The following EPHB6 variants were observed in gnomAD, a reference collection of about 807,000 sequenced individuals.
EPHB6 encodes ephrin type-B receptor 6.
Under a neutral mutation model 107.0 loss-of-function variants are expected in EPHB6, and 51 were observed. The ratio of observed to expected loss-of-function variants is 0.48; its 90% CI spans 0.38 to 0.60. The LOEUF (loss-of-function observed/expected upper bound fraction) is 0.60, where lower values mean the gene tolerates loss of function less well. Among genes scored for constraint, EPHB6 ranks in the 20% least tolerant of loss-of-function variants. The probability of loss-of-function intolerance (pLI) is 0.00; values close to 1 mark genes in which losing one functional copy is unlikely to be tolerated. For synonymous variants in EPHB6, 553 were observed against 549.0 expected (o/e 1.01, Z -0.10); for missense variants, 1,141 against 1,355.5 (o/e 0.84, Z 2.48).
rs534071920 is a variant in EPHB6 at position 142,867,240 on chromosome 7, T to C, written c.1750+172T>C. 233 of 785,828 alleles carry C rather than the reference T, an allele frequency of 3.0e-4. No individual in the cohort carries two copies. The highest frequency in any genetic ancestry group is 8.0e-6 in the Non-Finnish European group (4 of 502,442). 48.7% of individuals were successfully genotyped at this position (785,828 alleles called of 1,614,324 possible). On this transcript the variant is annotated intron_variant, in intron 11 of 19. Coordinates refer to ENST00000652003, the MANE Select transcript of EPHB6 (RefSeq NM_004445.6). This position sits in a 1 kb window ranked among gnomAD's most constrained non-coding sequence, Gnocchi z 5.3. Reference sequence around the variant, plus strand: ...CTGACCTAGGGGCTACTCGGGGAGGTGGGGAATTGTAGGGGTATGTATGCA... The same window carrying C: ...CTGACCTAGGGGCTACTCGGGGAGGCGGGGAATTGTAGGGGTATGTATGCA...
rs759873362 is a variant in EPHB6, at chr7:142,865,627, A to G, written c.1102A>G (p.Thr368Ala). The G allele has an allele frequency of 1.2e-6, 2 of 1,613,200 alleles. No individual in the cohort carries two copies. The highest frequency in any genetic ancestry group is 1.7e-5 in the Admixed American group (1 of 60,000). Residue 368 changes from threonine to alanine, a missense_variant, in exon 8 of 20, where the codon ACT (threonine) becomes GCT (alanine). Physicochemically the swap from Thr to Ala is moderately conservative, Grantham distance 58 (BLOSUM62 0). This residue lies in a region of EPHB6 where 304 missense variants were observed against 295.7 expected (regional missense o/e 1.03). Coordinates refer to ENST00000652003, the MANE Select transcript of EPHB6 (RefSeq NM_004445.6). ...TTCCGACCCACCAGAGGCCCCCTGC[A>G]CTGGTGAGTTCCTCACCCAGCCCTG... ...ASSDPPEAPCTGPPSAPQELW... is the reference protein window; with the variant it reads ...ASSDPPEAPCAGPPSAPQELW...
chr7:142,870,445 AG>A, intron 18 of EPHB6, 38 bp downstream of exon 18: 2 of 1,613,824 alleles, frequency 1.2e-6, no homozygotes, highest in Non-Finnish European at 1.7e-6. Context: ...AAAGCCAGGG[AG>A]GGTAGATGCA....
chr7:142,864,292 TC>T lies in EPHB6; in HGVS notation c.495del (p.Ser166ProfsTer30), dbSNP rs1803010756. 15 of 1,510,384 alleles carry T rather than the reference TC, an allele frequency of 9.9e-6. No homozygotes were observed. In the Admixed American group the frequency reaches 1.6e-4, roughly 16 times the overall value. The allele number at this position is 1,510,384 out of a possible 1,614,324, so 93.6% of individuals were successfully genotyped here. ...ACACAATTGCAGCAGACGAGAGCTT[TC>T]CCTCCTCCTCCTCCTCCTCCTCCTC... is the stretch of plus-strand genomic sequence containing the variant. ...VDTIAADESF[P>X]SSSSSSSSSS... On this transcript the variant is annotated frameshift_variant, in exon 7 of 20. Coordinates refer to ENST00000652003, the MANE Select transcript of EPHB6 (RefSeq NM_004445.6). LOFTEE classifies it high-confidence loss of function.
In EPHB6 at chr7:142,865,624, TG is replaced by T; in HGVS notation, c.1100del (p.Cys367SerfsTer75). The T allele has an allele frequency of 6.2e-7, 1 of 1,613,286 alleles. No homozygotes were observed. The highest frequency in any genetic ancestry group is 8.5e-7 in the Non-Finnish European group (1 of 1,179,952). Reference sequence around the variant, plus strand: ...CAGTTCCGACCCACCAGAGGCCCCCTGCACTGGTGAGTTCCTCACCCAGCCC... The same window carrying T: ...CAGTTCCGACCCACCAGAGGCCCCCTCACTGGTGAGTTCCTCACCCAGCCC... ...RASSDPPEAP[C>X]TGPPSAPQEL... On this transcript the variant is annotated frameshift_variant, in exon 8 of 20. Coordinates refer to ENST00000652003, the MANE Select transcript of EPHB6 (RefSeq NM_004445.6). LOFTEE classifies it high-confidence loss of function.
At chr7:142,860,883 T>A (rs967137623) in intron 1 of EPHB6, among the ~76,000 whole-genome samples, 169 bp from the exon 2 acceptor site, 5 of 152,178 alleles carry the variant, frequency 3.3e-5, no homozygotes, top group African/African-American at 1.2e-4. Flanking sequence ...GCAATTAAAG[T>A]TTCATAGTTT....
Position 142,868,722 on chromosome 7 carries a change from C to CT in EPHB6, c.2270dup (p.Asp758GlyfsTer49). ...GACGGAGTTCATGGAGCTTGGCCCC[C>CT]TGGACAGCTTCCTCAGGGTCAGTCC... On this transcript the variant is annotated frameshift_variant, in exon 15 of 20. Transcript: ENST00000652003. LOFTEE classifies it high-confidence loss of function. This position sits in a 1 kb window ranked among gnomAD's most constrained non-coding sequence, Gnocchi z 4.2. 6.2e-7 allele frequency: 1 copy of CT among 1,613,946 alleles called. No homozygotes were observed. The highest frequency in any genetic ancestry group is 8.5e-7 in the Non-Finnish European group (1 of 1,180,022).
At position 142,871,020 on chromosome 7, in the gene EPHB6, C is replaced by T. The variant is rs1794898838; in HGVS notation, c.*116C>T. 17 of 957,388 alleles carry T rather than the reference C, an allele frequency of 1.8e-5. No individual in the cohort carries two copies. Among genetic ancestry groups the T allele is most frequent in the South Asian group, 1.4e-4 (10 of 72,500 alleles). 59.3% of individuals were successfully genotyped at this position (957,388 alleles called of 1,614,324 possible). On this transcript the variant is annotated 3_prime_UTR_variant, in exon 20 of 20. Transcript: ENST00000652003. ...TGCCCCACACCAAACCCAACCCTCC[C>T]GATGGCTGCATTCCCTGGTCCTCCG...
rs2116490427 is a variant in EPHB6 at position 142,870,347 on chromosome 7, C to T, written c.2744C>T (p.Ala915Val). ...CCTCATTTTGACCAGCTGGTGGCTGCATTTGACAAGATGATCCGCAAGCCA... is the reference window on the plus strand; with the variant it reads ...CCTCATTTTGACCAGCTGGTGGCTGTATTTGACAAGATGATCCGCAAGCCA... ...RRPHFDQLVA[A>V]FDKMIRKPDT... The change falls in exon 18 of 20, where the codon GCA (alanine) becomes GTA (valine). Residue 915 changes from alanine (A) to valine (V), a missense_variant. By Grantham distance (64) the Ala-to-Val change is moderately conservative. This residue lies in a region of EPHB6 where 616 missense variants were observed against 759.3 expected (regional missense o/e 0.81). Coordinates refer to ENST00000652003, the MANE Select transcript of EPHB6 (RefSeq NM_004445.6). 2 of 1,614,202 alleles carry T rather than the reference C, an allele frequency of 1.2e-6. No homozygotes were observed. Among genetic ancestry groups the T allele is most frequent in the Non-Finnish European group, 1.7e-6 (2 of 1,180,038 alleles).
chr7:142,870,537 C>A lies in EPHB6; in HGVS notation c.2812C>A (p.Gln938Lys). 1.9e-6 allele frequency: 3 copies of A among 1,614,230 alleles called. No homozygotes were observed. The highest frequency in any genetic ancestry group is 1.1e-5 in the South Asian group (1 of 91,086). Reference sequence around the variant, plus strand: ...TTGCCCCTCCCCTCTTAGGCCTTCCCAGGCCCTTCTGACCCCTGTGGCCCT... The same window carrying A: ...TTGCCCCTCCCCTCTTAGGCCTTCCAAGGCCCTTCTGACCCCTGTGGCCCT... The part of the protein sequence containing the change: ...AGGDPGERPS[Q>K]ALLTPVALDF... The change falls in exon 19 of 20, where the codon CAG becomes AAG. Residue 938 changes from glutamine (Q) to lysine (K), a missense_variant. By Grantham distance (53) the Gln-to-Lys change is moderately conservative. Around this residue, in one of 3 missense-constraint regions of EPHB6, gnomAD observed 616 missense variants for 759.3 expected, o/e 0.81. Coordinates refer to ENST00000652003, the MANE Select transcript of EPHB6 (RefSeq NM_004445.6).
In EPHB6 at chr7:142,869,567, T is replaced by A. The variant is rs988866583; in HGVS notation, c.2461-250T>A. On this transcript the variant is annotated intron_variant, in intron 16 of 19. Transcript: ENST00000652003. This position sits in a 1 kb window ranked among gnomAD's most constrained non-coding sequence, Gnocchi z 4.5. ...TATCATCCACCTTGGAGGGTTGTTA[T>A]GAGGATTAAATGAGATGCTTGATGT... Among the ~76,000 whole-genome samples, 9 of 152,210 alleles carry A rather than the reference T, an allele frequency of 5.9e-5. No individual in the cohort carries two copies. The highest frequency in any genetic ancestry group is 2.2e-4 in the African/African-American group (9 of 41,450).
At position 142,869,091 on chromosome 7, in the gene EPHB6, G is replaced by T; in HGVS notation, c.2404G>T (p.Val802Leu). The change falls in exon 16 of 20, where the codon GTG becomes TTG. Residue 802 changes from valine to leucine, a missense_variant. Transcript: ENST00000652003. This position sits in a 1 kb window ranked among gnomAD's most constrained non-coding sequence, Gnocchi z 4.5. ...CCATCGCTCGCTGTCTGCCCACAGC[G>T]TGCTGGTGAATAGCCACTTGGTGTG... ...FVHRSLSAHSVLVNSHLVCKV... is the reference protein window; with the variant it reads ...FVHRSLSAHSLLVNSHLVCKV... The T allele has an allele frequency of 6.2e-7, 1 of 1,613,800 alleles. No individual in the cohort carries two copies. Among genetic ancestry groups the T allele is most frequent in the Non-Finnish European group, 8.5e-7 (1 of 1,179,996 alleles).
At position 142,866,803 on chromosome 7, in the gene EPHB6, G is replaced by A. The variant is rs1794623958; in HGVS notation, c.1588-103G>A. The stretch of plus-strand genomic sequence containing the variant: ...CCCAGAAGTGTGCAGCACTGGGCAT[G>A]TGTCTGAGAGCCCTGTCAACCAGGG... On this transcript the variant is annotated intron_variant, in intron 10 of 19. Coordinates refer to ENST00000652003, the MANE Select transcript of EPHB6 (RefSeq NM_004445.6). This position sits in a 1 kb window ranked among gnomAD's most constrained non-coding sequence, Gnocchi z 5.2. The A allele has an allele frequency of 6.3e-7, 1 of 1,597,396 alleles. No individual in the cohort carries two copies. Among genetic ancestry groups the A allele is most frequent in the Non-Finnish European group, 8.6e-7 (1 of 1,166,588 alleles).
In EPHB6 at chr7:142,867,719, A is replaced by G. The variant is rs778625170; in HGVS notation, c.1862A>G (p.Gln621Arg). 15 of 1,609,888 alleles carry G rather than the reference A, an allele frequency of 9.3e-6. No individual in the cohort carries two copies. Among genetic ancestry groups the G allele is most frequent in the Non-Finnish European group, 1.3e-5 (15 of 1,178,916 alleles). The change falls in exon 12 of 20, where the codon CAG becomes CGG. Residue 621 changes from glutamine to arginine, a missense_variant. This residue lies in a region of EPHB6 where 616 missense variants were observed against 759.3 expected (regional missense o/e 0.81). Coordinates refer to ENST00000652003, the MANE Select transcript of EPHB6 (RefSeq NM_004445.6). This position sits in a 1 kb window ranked among gnomAD's most constrained non-coding sequence, Gnocchi z 5.3. Reference protein sequence around the residue: ...AAITVLAVVFQRKRRGTGYTE... With the variant: ...AAITVLAVVFRRKRRGTGYTE... ...ATCACCGTGCTGGCGGTCGTCTTCC[A>G]GCGGTGAGTCCCCACCCCTGCCCAA...
rs1045338681 is a variant in EPHB6, at chr7:142,864,206, G to A, written c.406G>A (p.Glu136Lys). ...CTTCACCCTTTACTACCGTCAGGCT[G>A]AGGAGCCCGACAGCCCTGACAGCGT... ...ETFTLYYRQA[E>K]EPDSPDSVSS... Residue 136 changes from glutamate to lysine, a missense_variant, in exon 7 of 20, where the codon GAG (glutamate) becomes AAG (lysine). By Grantham distance (56) the Glu-to-Lys change is moderately conservative. Around this residue, in one of 3 missense-constraint regions of EPHB6, gnomAD observed 221 missense variants for 300.5 expected, o/e 0.74. Transcript: ENST00000652003. 2 of 1,613,880 alleles carry A rather than the reference G, an allele frequency of 1.2e-6. No individual in the cohort carries two copies. Among genetic ancestry groups the A allele is most frequent in the African/African-American group, 1.3e-5 (1 of 75,068 alleles).
Position 142,866,385 on chromosome 7 carries a change from A to T in EPHB6, c.1462+69A>T, listed in dbSNP as rs1405416925. 1 of 1,611,186 alleles carries T rather than the reference A, an allele frequency of 6.2e-7. No individual in the cohort carries two copies. Among genetic ancestry groups the T allele is most frequent in the East Asian group, 2.2e-5 (1 of 44,846 alleles). ...CTTTGAGCCCCCTTCCCTACTCCTG[A>T]TCTCCAGCCTGGTCCACCCCTGCCG... On this transcript the variant is annotated intron_variant, in intron 9 of 19. Coordinates refer to ENST00000652003, the MANE Select transcript of EPHB6 (RefSeq NM_004445.6). The surrounding 1 kb of genome is among the most constrained non-coding windows in gnomAD (Gnocchi z 5.2).
chr7:142,865,665 G>C (rs1488640131), intron 8 of EPHB6, 35 bp downstream of exon 8: 3 of 1,609,136 alleles, frequency 1.9e-6, no homozygotes, highest in African/African-American at 1.3e-5. Flanking sequence ...ATGGGAAAGA[G>C]ACTTGGAGAG....
chr7:142,862,389 A>T (rs554010367), intron 3 of EPHB6, among the ~76,000 whole-genome samples: 1 of 152,216 alleles, frequency 6.6e-6, no homozygotes, highest in South Asian at 2.1e-4. Context: ...TGTTAAAGCC[A>T]TAGGGTTATT....
At position 142,864,039 on chromosome 7, in the gene EPHB6, C is replaced by A; in HGVS notation, c.239C>A (p.Ala80Asp). 1 of 1,614,130 alleles carries A rather than the reference C, an allele frequency of 6.2e-7. No homozygotes were observed. The highest frequency in any genetic ancestry group is 8.5e-7 in the Non-Finnish European group (1 of 1,180,030). The change falls in exon 7 of 20, where the codon GCC becomes GAC. Residue 80 changes from alanine (A) to aspartate (D), a missense_variant. By Grantham distance (126) the Ala-to-Asp change is moderately radical (BLOSUM62 -2). Around this residue, in one of 3 missense-constraint regions of EPHB6, gnomAD observed 221 missense variants for 300.5 expected, o/e 0.74. Transcript: ENST00000652003. The part of the protein sequence containing the change: ...RTFEACHVAG[A>D]PPGTGQDNWL... ...TTTGAGGCATGTCATGTGGCAGGGG[C>A]CCCTCCAGGCACCGGGCAGGACAAT...
rs1205288682 is a variant in EPHB6 at position 142,866,536 on chromosome 7, G to C, written c.1518G>C (p.Thr506=). ...TGAGCCGGGCATCCAACAGCATCAC[G>C]GTGTCCTGGCCGCAGCCCGACCAGA... ...HQVSRASNSI[T]VSWPQPDQTN... The change falls in exon 10 of 20, where the codon ACG becomes ACC. Residue 506 remains threonine, a synonymous_variant. Coordinates refer to ENST00000652003, the MANE Select transcript of EPHB6 (RefSeq NM_004445.6). The surrounding 1 kb of genome is among the most constrained non-coding windows in gnomAD (Gnocchi z 5.2). The C allele has an allele frequency of 6.2e-7, 1 of 1,614,038 alleles. No homozygotes were observed. The highest frequency in any genetic ancestry group is 8.5e-7 in the Non-Finnish European group (1 of 1,180,034).
Sources: allele counts gnomAD v4.1 joint callset (sites outside exome capture counted in the v4.1 genomes callset), GRCh38; gene constraint gnomAD v4.1.1; regional missense constraint gnomAD v4.1.1; non-coding constraint Gnocchi (gnomAD v3.1); transcripts MANE v1.5; gene names NCBI Gene and HGNC (gene_info 2026-07-23, HGNC 2026-07-21).